Variants in AVEN observed in about 807,000 individuals in gnomAD.
The protein encoded by AVEN is cell death regulator Aven.
A neutral mutation model predicts 38.1 loss-of-function variants in AVEN; 41 were observed. The observed-to-expected ratio is 1.08, with a 90% CI of 0.84 to 1.40. The LOEUF is 1.40. Among genes scored for constraint, AVEN ranks in the 40% most tolerant of loss-of-function variants. The pLI is 0.00. For synonymous variants in AVEN, 206 were observed against 171.8 expected (o/e 1.20, Z -1.56); for missense variants, 605 against 438.8 (o/e 1.38, Z -3.38).
At chr15:33,880,624 A>G (rs1330822957) in intron 2 of AVEN, among the ~76,000 whole-genome samples, 1 of 152,236 alleles carries the variant, frequency 6.6e-6, no homozygotes, top group Non-Finnish European at 1.5e-5. Flanking sequence ...TCATTTTTGG[A>G]GGAAAATGAC....
At chr15:33,919,295 A>G (rs1893294903) in intron 2 of AVEN, among the ~76,000 whole-genome samples, 1 of 152,212 alleles carries the variant, frequency 6.6e-6, no homozygotes, top group Non-Finnish European at 1.5e-5. Context: ...TTATTTTTCA[A>G]TACTCCAAAT....
At chr15:34,053,738 C>G (rs1166612089) in intron 5 of AVEN, among the ~76,000 whole-genome samples, 1 of 152,018 alleles carries the variant, frequency 6.6e-6, no homozygotes, top group Non-Finnish European at 1.5e-5. Flanking sequence ...AGAAGAAAAG[C>G]TAGGCAATAC....
At chr15:33,910,899 CA>C (rs1567409485) in intron 2 of AVEN, among the ~76,000 whole-genome samples, 2 of 152,144 alleles carry the variant, frequency 1.3e-5, no homozygotes, top group African/African-American at 4.8e-5. Flanking sequence ...TTCCCATATA[CA>C]AAATGGACAA....
intron 2 of AVEN, among the ~76,000 whole-genome samples, chr15:33,910,967 G>GA (rs1486900313): frequency 3.9e-5 from 6 of 152,170 alleles, no homozygotes; most frequent in Admixed American, 3.9e-4. Context: ...TGCTTTGGAA[G>GA]AAAAACAGTT....
At chr15:34,008,949 C>CGT (rs1372047381) in intron 1 of AVEN, among the ~76,000 whole-genome samples, 6 of 21,124 alleles carry the variant, frequency 2.8e-4, no homozygotes, top group South Asian at 1.9e-3. Flanking sequence ...CACACGTGCG[C>CGT]GCGCGCACAC....
intron 5 of AVEN, among the ~76,000 whole-genome samples, chr15:34,057,253 C>T (rs1415666911): frequency 6.6e-6 from 1 of 151,834 alleles, no homozygotes; most frequent in East Asian, 1.9e-4. Flanking sequence ...TCTCCTGCCT[C>T]AGCATCCTGA....
At chr15:34,013,157 G>A (rs1224491620) in intron 1 of AVEN, among the ~76,000 whole-genome samples, 1 of 152,104 alleles carries the variant, frequency 6.6e-6, no homozygotes, top group Non-Finnish European at 1.5e-5. Context: ...TGCCTCCTGG[G>A]TTCAAGCGAT....
chr15:33,917,076 T>C (rs1375729320), intron 2 of AVEN, among the ~76,000 whole-genome samples: 1 of 151,966 alleles, frequency 6.6e-6, no homozygotes, highest in Non-Finnish European at 1.5e-5. Context: ...CCACAACACA[T>C]GGGGCTTATG....
chr15:34,059,510 C>G (rs1439431066), intron 5 of AVEN, among the ~76,000 whole-genome samples: 1 of 152,166 alleles, frequency 6.6e-6, no homozygotes, highest in Non-Finnish European at 1.5e-5. Flanking sequence ...CACAGCTCTC[C>G]CATAAAGCTG....
intron 2 of AVEN, among the ~76,000 whole-genome samples, chr15:33,908,567 C>T (rs1892795661): frequency 6.6e-6 from 1 of 152,180 alleles, no homozygotes; most frequent in Admixed American, 6.5e-5. Context: ...GTGAATCTGA[C>T]CATTCTGGGT....
rs533889731 is a variant in AVEN, at chr15:33,909,801, CTT to C, written c.446-33808_446-33807del. Among the ~76,000 whole-genome samples the C allele has an allele frequency of 6.6e-5, 10 of 152,292 alleles. No homozygotes were observed. The East Asian group carries it at 1.9e-3, about 29-fold the overall frequency. ...GTATATAAAATTATAACTGCCACAA[CTT>C]TGCATTTATGTAGCACCTTTTTTAA... On this transcript the variant is annotated intron_variant, in intron 2 of 5. Coordinates refer to ENST00000306730, the MANE Select transcript of AVEN (RefSeq NM_020371.3).
Position 34,039,112 on chromosome 15 carries a change from C to T in AVEN, c.-66G>A, listed in dbSNP as rs1266151359. 4 of 1,055,546 alleles carry T rather than the reference C, an allele frequency of 3.8e-6. No homozygotes were observed. In the Admixed American group the frequency reaches 1.6e-4, roughly 43 times the overall value. 65.4% of individuals were successfully genotyped at this position (1,055,546 alleles called of 1,614,324 possible). On this transcript the variant is annotated 5_prime_UTR_variant, in exon 1 of 6. Transcript: ENST00000306730. Reference sequence around the variant, plus strand: ...TGCGGCGGAGACGCCCTGGCCCCACCGGAAGCGGGCCGCACGGAGGAGCCG... The same window carrying T: ...TGCGGCGGAGACGCCCTGGCCCCACTGGAAGCGGGCCGCACGGAGGAGCCG...
intron 5 of AVEN, among the ~76,000 whole-genome samples, chr15:34,061,402 A>AC (rs5811816): frequency 0.96 from 146,764 of 152,262 alleles, 70,957 homozygotes; most frequent in East Asian, 1. Flanking sequence ...ATGTACTGAT[A>AC]AAAAGCTGTC....
At chr15:33,865,448 G>A (rs1211872535), downstream of AVEN, 2 of 488,408 alleles carry the variant, frequency 4.1e-6, no homozygotes, top group South Asian at 3.3e-5. Flanking sequence ...GAAGAAGGAA[G>A]GCGAAGAATC....
chr15:34,012,589 T>G (rs1897681696), intron 1 of AVEN, among the ~76,000 whole-genome samples: 2 of 152,208 alleles, frequency 1.3e-5, no homozygotes, highest in Admixed American at 1.3e-4. Context: ...TCAGTTAAAT[T>G]TTCAACTCTC....
Position 33,868,004 on chromosome 15 carries a change from C to T in AVEN, c.613-149G>A. On this transcript the variant is annotated intron_variant, in intron 4 of 5. Coordinates refer to ENST00000306730, the MANE Select transcript of AVEN (RefSeq NM_020371.3). ...TCACAAAGTGGCTCCTTTCCAGGCC[C>T]TGGTGGGGGCACCCTTCCTGACATC... 5.6e-6 allele frequency: 6 copies of T among 1,080,744 alleles called. No individual in the cohort carries two copies. The South Asian group carries it at 1.1e-4, about 19-fold the overall frequency. 66.9% of individuals were successfully genotyped at this position (1,080,744 alleles called of 1,614,324 possible).
chr15:33,961,389 G>A (rs1378057399), intron 2 of AVEN, among the ~76,000 whole-genome samples: 2 of 152,174 alleles, frequency 1.3e-5, no homozygotes, highest in East Asian at 1.9e-4. Flanking sequence ...TGTCTCATAG[G>A]AGGAATTATT....
chr15:33,983,202 A>G lies in AVEN; in HGVS notation c.445+19830T>C, dbSNP rs910857236. On this transcript the variant is annotated intron_variant, in intron 2 of 5. Coordinates refer to ENST00000306730, the MANE Select transcript of AVEN (RefSeq NM_020371.3). The stretch of plus-strand genomic sequence containing the variant: ...TACACACGTGTGTGTATGTGTGTGT[A>G]TATATATATATACATATATATACAC... 0.025 allele frequency among the ~76,000 whole-genome samples: 386 copies of G among 15,630 alleles called. 9 individuals carry two copies. The East Asian group carries it at 0.27, about 11-fold the overall frequency. 10.3% of individuals were successfully genotyped at this position (15,630 alleles called of 152,430 possible). A position where few individuals can be genotyped will look rare whatever the true frequency, so the allele number is the denominator to read the frequency against.
chr15:34,003,794 T>A (rs1441511718), intron 1 of AVEN, among the ~76,000 whole-genome samples: 1 of 152,220 alleles, frequency 6.6e-6, no homozygotes, highest in Non-Finnish European at 1.5e-5. Flanking sequence ...TCTAGAATAA[T>A]GAAAACCATT....
Sources: allele counts gnomAD v4.1 joint callset (sites outside exome capture counted in the v4.1 genomes callset), GRCh38; gene constraint gnomAD v4.1.1; transcripts MANE v1.5; gene names NCBI Gene and HGNC (gene_info 2026-07-23, HGNC 2026-07-21).